C12orf42: variants seen among roughly 807,000 people sequenced by gnomAD.
The protein encoded by C12orf42 is chromosome 12 open reading frame 42, also known as uncharacterized protein C12orf42.
In C12orf42, 25 loss-of-function variants were observed where a neutral mutation model predicts 21.6. That is an observed-to-expected ratio of 1.16 (90% CI 0.84 to 1.62). The LOEUF is 1.62. Ranked by LOEUF, C12orf42 falls within the 40% of genes most tolerant of loss-of-function variation. The pLI is 0.00. For synonymous variants in C12orf42, 174 were observed against 175.0 expected, an observed-to-expected ratio of 0.99 and a Z score of 0.05; for missense variants, 483 against 459.3, an observed-to-expected ratio of 1.05 and a Z score of -0.47.
the C12orf42 span, among the ~76,000 whole-genome samples, chr12:103,218,470 A>G: frequency 3.3e-5 from 5 of 152,176 alleles, no homozygotes; most frequent in Admixed American, 6.5e-5. Context: ...CCTCTCTAGT[A>G]CTGAGCATAG....
chr12:103,212,479 T>C, the C12orf42 span, among the ~76,000 whole-genome samples: 1 of 152,320 alleles, frequency 6.6e-6, no homozygotes, highest in Non-Finnish European at 1.5e-5. Context: ...TGGTGTTGAA[T>C]GTGTTCCTCA....
At chr12:103,491,167 A>C (rs1204023641) in intron 1 of C12orf42, among the ~76,000 whole-genome samples, 3 of 152,202 alleles carry the variant, frequency 2.0e-5, no homozygotes, top group Non-Finnish European at 2.9e-5. Context: ...TTGGGAATTA[A>C]ATATTTGAAA....
the C12orf42 span, among the ~76,000 whole-genome samples, chr12:103,115,360 C>T: frequency 6.6e-6 from 1 of 152,216 alleles, no homozygotes; most frequent in Non-Finnish European, 1.5e-5. Context: ...ACCCCAATTA[C>T]AGCTTAGCAA....
chr12:103,086,075 A>G, the C12orf42 span, among the ~76,000 whole-genome samples: 1 of 152,086 alleles, frequency 6.6e-6, no homozygotes, highest in Non-Finnish European at 1.5e-5. Context: ...CTTCTCCCAC[A>G]TTCACTCCTT....
chr12:103,232,919 G>A (rs1368936945), downstream of C12orf42, among the ~76,000 whole-genome samples: 1 of 151,962 alleles, frequency 6.6e-6, no homozygotes, highest in Admixed American at 6.6e-5. Flanking sequence ...ATACATAATA[G>A]TTGTACCTAT....
At chr12:103,074,713 C>T in the C12orf42 span, among the ~76,000 whole-genome samples, 1 of 152,092 alleles carries the variant, frequency 6.6e-6, no homozygotes, top group South Asian at 2.1e-4. Flanking sequence ...TGCATATGAC[C>T]TCTCAAAAAT....
intron 4 of C12orf42, among the ~76,000 whole-genome samples, chr12:103,326,068 T>C (rs1593444877): frequency 6.6e-6 from 1 of 152,338 alleles, no homozygotes; most frequent in South Asian, 2.1e-4. Flanking sequence ...CTAATTTAAT[T>C]TCCTCACAAC....
the C12orf42 span, among the ~76,000 whole-genome samples, chr12:103,519,554 T>C: frequency 6.6e-6 from 1 of 152,198 alleles, no homozygotes; most frequent in Non-Finnish European, 1.5e-5. Flanking sequence ...GTACTTCTCA[T>C]CTAGTTAATG....
chr12:103,478,369 G>T lies in C12orf42; in HGVS notation c.58C>A (p.Pro20Thr), dbSNP rs552758475. The T allele has an allele frequency of 5.0e-6, 8 of 1,603,456 alleles. No individual in the cohort carries two copies. Among genetic ancestry groups the T allele is most frequent in the Non-Finnish European group, 6.8e-6 (8 of 1,173,518 alleles). ...ATTACCTGCATCCTGTTTGCAAAAG[G>T]TCTGATGGTTAGCAAGAATTCTTCT... Reference protein sequence around the residue: ...REEEFLLTIRPFANRMQKSPC... With the variant: ...REEEFLLTIRTFANRMQKSPC... The change falls in exon 2 of 6, where the codon CCT (proline) becomes ACT (threonine). Residue 20 changes from proline to threonine, a missense_variant. Transcript: ENST00000548883.
the C12orf42 span, among the ~76,000 whole-genome samples, chr12:103,139,464 C>T: frequency 1.3e-5 from 2 of 152,086 alleles, no homozygotes; most frequent in African/African-American, 4.8e-5. Context: ...TTCTGCTTCT[C>T]TCACAGACAT....
the C12orf42 span, among the ~76,000 whole-genome samples, chr12:103,502,351 TA>T: frequency 1.8e-4 from 28 of 152,272 alleles, 1 homozygote; most frequent in Middle Eastern, 0.01. Context: ...TGATCTTTTT[TA>T]AAAAATAAAT....
chr12:103,171,552 T>C, the C12orf42 span, among the ~76,000 whole-genome samples: 2 of 152,048 alleles, frequency 1.3e-5, no homozygotes, highest in Non-Finnish European at 1.5e-5. Flanking sequence ...AGTTAAAGAG[T>C]ACACCAAGAT....
chr12:103,391,717 A>ATG (rs896630547), intron 3 of C12orf42, among the ~76,000 whole-genome samples: 10 of 150,786 alleles, frequency 6.6e-5, no homozygotes, highest in East Asian at 5.8e-4. Context: ...AGTATATATG[A>ATG]TGTGTGTGTG....
intron 10 of C12orf42, among the ~76,000 whole-genome samples, chr12:103,246,782 C>CT (rs1316711944): frequency 1.1e-5 from 1 of 93,714 alleles, no homozygotes; most frequent in African/African-American, 4.6e-5. Context: ...AAATGCAGAG[C>CT]TTAAAATGAC....
At chr12:103,064,014 T>A in the C12orf42 span, among the ~76,000 whole-genome samples, 2 of 152,194 alleles carry the variant, frequency 1.3e-5, no homozygotes, top group Non-Finnish European at 2.9e-5. Context: ...TGTGGCCCAC[T>A]GTGAGCCAGC....
At chr12:103,534,807 A>G in the C12orf42 span, among the ~76,000 whole-genome samples, 3 of 152,214 alleles carry the variant, frequency 2.0e-5, no homozygotes, top group African/African-American at 7.2e-5. Flanking sequence ...GCCTGGGAAG[A>G]CAGAAATAGG....
At chr12:103,152,729 AAGT>A in the C12orf42 span, among the ~76,000 whole-genome samples, 1 of 152,160 alleles carries the variant, frequency 6.6e-6, no homozygotes, top group Non-Finnish European at 1.5e-5. Flanking sequence ...AAGCAACAAA[AAGT>A]AGAAAATAAA....
intron 2 of C12orf42, among the ~76,000 whole-genome samples, chr12:103,414,138 C>CCAAT (rs1478221102): frequency 6.6e-6 from 1 of 152,128 alleles, no homozygotes; most frequent in Non-Finnish European, 1.5e-5. Context: ...CACATCCATA[C>CCAAT]CAATATCTAT....
At chr12:103,161,877 T>C in the C12orf42 span, among the ~76,000 whole-genome samples, 1 of 152,220 alleles carries the variant, frequency 6.6e-6, no homozygotes, top group East Asian at 1.9e-4. Flanking sequence ...TTGAGTTTGA[T>C]TTTGATTTTT....
Sources: allele counts gnomAD v4.1 joint callset (sites outside exome capture counted in the v4.1 genomes callset), GRCh38; gene constraint gnomAD v4.1.1; transcripts MANE v1.5; gene names NCBI Gene and HGNC (gene_info 2026-07-23, HGNC 2026-07-21).